Variants in SARNP observed in about 807,000 individuals in gnomAD.
SARNP encodes SAP domain containing ribonucleoprotein.
SARNP carries 5 observed loss-of-function variants against 38.1 expected under a neutral mutation model. The ratio of observed to expected loss-of-function variants is 0.13; its 90% CI spans 0.07 to 0.28. SARNP has a LOEUF of 0.28. Among genes scored for constraint, SARNP ranks in the 10% least tolerant of loss-of-function variants. The probability of loss-of-function intolerance (pLI) is 1.00; values close to 1 mark genes in which losing one functional copy is unlikely to be tolerated. For missense variants in SARNP, 180 were observed against 243.9 expected (o/e 0.74, Z 1.75); for synonymous variants, 84 against 80.6 (o/e 1.04, Z -0.23).
chr12:55,815,515 C>T (rs893787026), intron 1 of SARNP, among the ~76,000 whole-genome samples: 20 of 152,160 alleles, frequency 1.3e-4, no homozygotes, highest in African/African-American at 4.8e-4. Flanking sequence ...GAGTGCAGTA[C>T]ACCATCTCGG....
chr12:55,759,118 G>A (rs1226512118), intron 10 of SARNP, among the ~76,000 whole-genome samples: 1 of 152,026 alleles, frequency 6.6e-6, no homozygotes, highest in Non-Finnish European at 1.5e-5. Flanking sequence ...CTGACCTCAA[G>A]TGATCCTCCC....
At chr12:55,808,738 G>A (rs1880232354) in intron 1 of SARNP, among the ~76,000 whole-genome samples, 2 of 152,028 alleles carry the variant, frequency 1.3e-5, no homozygotes, top group Non-Finnish European at 2.9e-5. Flanking sequence ...TCCAGCCTGG[G>A]CAACACAGCA....
chr12:55,756,159 A>C (rs886804789), downstream of SARNP: 9 of 152,232 alleles, frequency 5.9e-5, no homozygotes, highest in African/African-American at 1.9e-4. Context: ...AAAGAAAAGG[A>C]AGGCAGACAG....
At chr12:55,780,750 T>C (rs2136189387) in intron 9 of SARNP, among the ~76,000 whole-genome samples, 1 of 152,276 alleles carries the variant, frequency 6.6e-6, no homozygotes, top group African/African-American at 2.4e-5. Flanking sequence ...TAACAGTTAC[T>C]TCAACACAAG....
At chr12:55,763,387 A>G (rs1248962487) in intron 9 of SARNP, among the ~76,000 whole-genome samples, 1 of 151,542 alleles carries the variant, frequency 6.6e-6, no homozygotes, top group Non-Finnish European at 1.5e-5. Flanking sequence ...TCTTGGCTCA[A>G]TGCAGTCTCC....
intron 1 of SARNP, among the ~76,000 whole-genome samples, chr12:55,817,011 G>A (rs983025524): frequency 2.6e-5 from 4 of 152,132 alleles, no homozygotes; most frequent in South Asian, 2.1e-4. Context: ...GAAGGCTGGC[G>A]GGCCGAGAGC....
In SARNP at chr12:55,757,431, G is replaced by A; in HGVS notation, c.*81C>T. 1 of 1,241,128 alleles carries A rather than the reference G, an allele frequency of 8.1e-7. No individual in the cohort carries two copies. The highest frequency in any genetic ancestry group is 2.4e-5 in the East Asian group (1 of 41,522). 76.9% of individuals were successfully genotyped at this position (1,241,128 alleles called of 1,614,324 possible). On this transcript the variant is annotated 3_prime_UTR_variant, in exon 11 of 11. Coordinates refer to ENST00000336133, the MANE Select transcript of SARNP (RefSeq NM_033082.4). ...CGAGGCAGGACGTAGGCACATGACT[G>A]TGCATTTAGGCATATATGTGACCAA...
chr12:55,798,355 TG>T (rs1879878775), intron 4 of SARNP, among the ~76,000 whole-genome samples: 1 of 151,976 alleles, frequency 6.6e-6, no homozygotes, highest in African/African-American at 2.4e-5. Flanking sequence ...AAAAAAGAGC[TG>T]GGTGTAGTGG....
chr12:55,781,980 A>G (rs1879353171), intron 9 of SARNP, among the ~76,000 whole-genome samples: 1 of 152,216 alleles, frequency 6.6e-6, no homozygotes, highest in Non-Finnish European at 1.5e-5. Context: ...CTAGGATTAC[A>G]GGTGTGAACC....
intron 9 of SARNP, among the ~76,000 whole-genome samples, chr12:55,780,164 T>C (rs1308321044): frequency 3.3e-5 from 5 of 150,474 alleles, no homozygotes; most frequent in Admixed American, 2.0e-4. Context: ...AGTAAATAAA[T>C]AAATAAGGCC....
chr12:55,794,450 C>T (rs1879762050), intron 6 of SARNP, 63 bp from the exon 7 acceptor site: 7 of 1,424,316 alleles, frequency 4.9e-6, no homozygotes, highest in East Asian at 2.3e-5. Context: ...TGTCTGTCTC[C>T]GTGTCAAGTA....
chr12:55,813,317 A>T (rs888260131), intron 1 of SARNP, among the ~76,000 whole-genome samples: 2 of 152,114 alleles, frequency 1.3e-5, no homozygotes, highest in African/African-American at 4.8e-5. Flanking sequence ...ATGTTTGTGG[A>T]TAGAACATAG....
chr12:55,792,868 A>G (rs1448932342), intron 7 of SARNP: 1 of 152,088 alleles, frequency 6.6e-6, no homozygotes, highest in East Asian at 1.9e-4. Context: ...AATTTTTTGT[A>G]GAAACAAGGT....
intron 1 of SARNP, among the ~76,000 whole-genome samples, chr12:55,806,176 A>G (rs997629952): frequency 2.0e-5 from 3 of 152,132 alleles, no homozygotes; most frequent in Non-Finnish European, 4.4e-5. Context: ...CCTTATGTGA[A>G]TAACTTCACC....
At chr12:55,767,571 G>A (rs1878875323) in intron 9 of SARNP, among the ~76,000 whole-genome samples, 1 of 151,818 alleles carries the variant, frequency 6.6e-6, no homozygotes, top group Non-Finnish European at 1.5e-5. Context: ...ATACAAGCCG[G>A]GCACAGTGGC....
chr12:55,762,802 G>A (rs143406260), intron 9 of SARNP, among the ~76,000 whole-genome samples: 1 of 152,308 alleles, frequency 6.6e-6, no homozygotes, highest in Non-Finnish European at 1.5e-5. Context: ...TGTGGCCACA[G>A]CAGCCACCTG....
intron 1 of SARNP, among the ~76,000 whole-genome samples, chr12:55,807,671 G>A (rs1278661144): frequency 2.0e-5 from 3 of 151,058 alleles, no homozygotes; most frequent in African/African-American, 4.9e-5. Context: ...AAAATTAGCC[G>A]GGCGCGGTGG....
intron 9 of SARNP, among the ~76,000 whole-genome samples, chr12:55,774,558 T>TAAAAAAAAAAAAAAAAAAAAAAAAAAAA (rs1565673497): frequency 9.9e-5 from 4 of 40,488 alleles, no homozygotes; most frequent in Admixed American, 4.8e-4. Flanking sequence ...CCGTCTCTAC[T>TAAAAAAAAAAAAAAAAAAAAAAAAAAAA]GAAAAAAAAA....
At chr12:55,782,885 C>T (rs1302715397) in intron 9 of SARNP, among the ~76,000 whole-genome samples, 23 of 152,066 alleles carry the variant, frequency 1.5e-4, no homozygotes, top group Admixed American at 1.4e-3. Context: ...CTGAGGCTGG[C>T]GGACTGCTTG....
Sources: gnomAD v4.1 joint callset for allele counts (sites outside exome capture counted in the v4.1 genomes callset) on GRCh38, gnomAD v4.1.1 for gene constraint, MANE v1.5 for transcripts, NCBI Gene and HGNC (gene_info 2026-07-23, HGNC 2026-07-21) for gene names.